The following TRPM4 variants were observed in gnomAD, a reference collection of about 807,000 sequenced individuals.
TRPM4 encodes the protein calcium-activated non-selective cation channel 1.
A neutral mutation model predicts 135.6 loss-of-function variants in TRPM4; 124 were observed. That is an observed-to-expected ratio of 0.91 (90% confidence interval 0.79 to 1.06). TRPM4 has a LOEUF of 1.06. TRPM4 is among the 50% of genes least tolerant of loss of function. The pLI, the probability that TRPM4 is intolerant of heterozygous loss-of-function variation, is 0.00. For missense variants in TRPM4, 1,658 were observed against 1,671.4 expected, an observed-to-expected ratio of 0.99 and a Z score of 0.14; for synonymous variants, 745 against 705.6, an observed-to-expected ratio of 1.06 and a Z score of -0.88.
rs755710649 is a variant in TRPM4 at position 49,211,550 on chromosome 19, G to A, written c.*52G>A. 5.6e-6 allele frequency: 9 copies of A among 1,613,006 alleles called. No homozygotes were observed. The African/African-American group carries it at 1.2e-4, about 22-fold the overall frequency. Reference sequence around the variant, plus strand: ...GCCCCCACAGGGGATTTTGCTCCTAGAGTAAGGCTCATCTGGGCCTCGGCC... The same window carrying A: ...GCCCCCACAGGGGATTTTGCTCCTAAAGTAAGGCTCATCTGGGCCTCGGCC... On this transcript the variant is annotated 3_prime_UTR_variant, in exon 25 of 25. Coordinates refer to ENST00000252826, the MANE Select transcript of TRPM4 (RefSeq NM_017636.4). The surrounding 1 kb of genome is among the most constrained non-coding windows in gnomAD (Gnocchi z 4.8).
Position 49,189,028 on chromosome 19 carries a change from C to T in TRPM4, c.1956C>T (p.Ala652=), listed in dbSNP as rs780348862. The change falls in exon 14 of 25, where the codon GCC becomes GCT. Residue 652 remains alanine (A), a synonymous_variant. Transcript: ENST00000252826. ...LLRRCPLWGD[A]TCLQLAMQAD... The stretch of plus-strand genomic sequence containing the variant: ...GTCGCTGCCCGCTCTGGGGGGATGC[C>T]ACTTGCCTCCAGCTGGCCATGCAAG... The T allele has an allele frequency of 6.2e-7, 1 of 1,614,204 alleles. No individual in the cohort carries two copies. The highest frequency in any genetic ancestry group is 8.5e-7 in the Non-Finnish European group (1 of 1,180,032).
intron 9 of TRPM4, among the ~76,000 whole-genome samples, chr19:49,173,591 G>A (rs1967556957): frequency 6.6e-6 from 1 of 152,184 alleles, no homozygotes; most frequent in Admixed American, 6.5e-5. Flanking sequence ...CAGCTTGGAG[G>A]ACGGAATGAT....
At chr19:49,204,982 G>GTTTTTTTTTT (rs756332219) in intron 20 of TRPM4, among the ~76,000 whole-genome samples, 33 of 60,748 alleles carry the variant, frequency 5.4e-4, no homozygotes, top group East Asian at 9.9e-4. Context: ...GGCTTTGGTT[G>GTTTTTTTTTT]TTTTTTTTTT....
At chr19:49,179,005 A>C (rs1318394277) in intron 9 of TRPM4, among the ~76,000 whole-genome samples, 1 of 151,574 alleles carries the variant, frequency 6.6e-6, no homozygotes, top group Non-Finnish European at 1.5e-5. Flanking sequence ...TGATCCACCC[A>C]TCTCGGCCTC....
chr19:49,208,032 C>A (rs1278881542), intron 20 of TRPM4, among the ~76,000 whole-genome samples: 3 of 152,162 alleles, frequency 2.0e-5, no homozygotes, highest in Non-Finnish European at 4.4e-5. Flanking sequence ...TGGACAGGGG[C>A]CCTTCCCTGT....
rs759414247 is a variant in TRPM4 at position 49,202,176 on chromosome 19, C to T, written c.3131+35C>T. 3.8e-5 allele frequency: 61 copies of T among 1,611,380 alleles called. 1 individual carries two copies. In the South Asian group the frequency reaches 6.4e-4, roughly 17 times the overall value. On this transcript the variant is annotated intron_variant, in intron 20 of 24. Transcript: ENST00000252826. Reference sequence around the variant, plus strand: ...GACTGCTCTCTGATCTGACCCCACCCAGCATGACCCGTGGCCCTCTCATGA... The same window carrying T: ...GACTGCTCTCTGATCTGACCCCACCTAGCATGACCCGTGGCCCTCTCATGA...
rs1373897831 is a variant in TRPM4, at chr19:49,171,647, T to A, written c.928T>A (p.Cys310Ser). ...GGCTGGCTCAGGGGGAGCTGCGGAC[T>A]GCCTGGCGGAGACCCTGGAAGACAC... is the stretch of plus-strand genomic sequence containing the variant. ...LVAGSGGAADCLAETLEDTLA... is the reference protein window; with the variant it reads ...LVAGSGGAADSLAETLEDTLA... The change falls in exon 8 of 25, where the codon TGC becomes AGC. Residue 310 changes from cysteine (C) to serine (S), a missense_variant. By Grantham distance (112) the Cys-to-Ser change is moderately radical. Around this residue, in one of 3 missense-constraint regions of TRPM4, gnomAD observed 1,412 missense variants for 1,408.7 expected, o/e 1.00. Transcript: ENST00000252826. This position sits in a 1 kb window ranked among gnomAD's most constrained non-coding sequence, Gnocchi z 4.7. 6.2e-7 allele frequency: 1 copy of A among 1,613,782 alleles called. No homozygotes were observed. The highest frequency in any genetic ancestry group is 8.5e-7 in the Non-Finnish European group (1 of 1,180,020).
chr19:49,178,245 C>A (rs897158938), intron 9 of TRPM4, among the ~76,000 whole-genome samples: 1 of 152,078 alleles, frequency 6.6e-6, no homozygotes, highest in Non-Finnish European at 1.5e-5. Context: ...ATCGCTTGAG[C>A]CTGGGAGGTC....
At chr19:49,183,041 AGGGGCT>A (rs748168736) in intron 11 of TRPM4, 31 bp from the exon 12 acceptor site, 4 of 1,607,174 alleles carry the variant, frequency 2.5e-6, no homozygotes, top group Admixed American at 3.3e-5. Flanking sequence ...AGTGTTGGGG[AGGGGCT>A]GGTCCTCACC....
At chr19:49,195,396 A>C (rs1439327625) in intron 16 of TRPM4, among the ~76,000 whole-genome samples, 1 of 151,130 alleles carries the variant, frequency 6.6e-6, no homozygotes, top group Non-Finnish European at 1.5e-5. Context: ...TTTGAGACGG[A>C]GTTTTGCTCT....
chr19:49,168,041 A>C lies in TRPM4; in HGVS notation c.392A>C (p.Gln131Pro), dbSNP rs774179613. The C allele has an allele frequency of 6.2e-7, 1 of 1,612,768 alleles. No homozygotes were observed. Among genetic ancestry groups the C allele is most frequent in the Non-Finnish European group, 8.5e-7 (1 of 1,179,926 alleles). The change falls in exon 4 of 25, where the codon CAG (glutamine) becomes CCG (proline). Residue 131 changes from glutamine (Q) to proline (P), a missense_variant. Transcript: ENST00000252826. ...GGGGGATCGGGGGGCCCCGTCCTCC[A>C]GACCTGGCTGCAGGACCTGCTGCGT... ...VLGGSGGPVL[Q>P]TWLQDLLRRG... is the part of the protein sequence containing the mutation.
In TRPM4 at chr19:49,183,231, C is replaced by T. The variant is rs771470369; in HGVS notation, c.1743+19C>T. On this transcript the variant is annotated intron_variant, in intron 12 of 24. Coordinates refer to ENST00000252826, the MANE Select transcript of TRPM4 (RefSeq NM_017636.4). ...GGAGATGGTGAGTGCTGACTTGGCG[C>T]TCCTGCATCCCTGTCCTTTAGGCCA... The T allele has an allele frequency of 3.7e-6, 6 of 1,613,840 alleles. No homozygotes were observed. In the African/African-American group the frequency reaches 5.3e-5, roughly 14 times the overall value.
intron 10 of TRPM4, 147 bp from the exon 11 acceptor site, chr19:49,182,431 T>C: frequency 2.8e-6 from 2 of 707,510 alleles, no homozygotes; most frequent in East Asian, 2.7e-5. Flanking sequence ...CATCTACCTA[T>C]CCATTCATCC....
chr19:49,186,923 T>C (rs934900156), intron 12 of TRPM4, among the ~76,000 whole-genome samples: 1 of 151,512 alleles, frequency 6.6e-6, no homozygotes, highest in African/African-American at 2.4e-5. Flanking sequence ...AGCCACTTTT[T>C]CTCTGGGGAA....
In TRPM4 at chr19:49,171,456, AGG is replaced by A; in HGVS notation, c.858+40_858+41del. The stretch of plus-strand genomic sequence containing the variant: ...GGATGCCCGGATCTAAGGGGGAAGG[AGG>A]GTTGGGGGCCAGGACTCCTGGGTCC... On this transcript the variant is annotated intron_variant, in intron 7 of 24. Transcript: ENST00000252826. This position sits in a 1 kb window ranked among gnomAD's most constrained non-coding sequence, Gnocchi z 4.7. The A allele has an allele frequency of 6.2e-7, 1 of 1,613,002 alleles. No homozygotes were observed.
chr19:49,177,786 T>G (rs1046152923), intron 9 of TRPM4, among the ~76,000 whole-genome samples: 25 of 152,292 alleles, frequency 1.6e-4, no homozygotes, highest in Non-Finnish European at 3.4e-4. Flanking sequence ...TTGCCCAGGG[T>G]CATCCAGCTA....
chr19:49,161,333 T>TC (rs1009379462), intron 2 of TRPM4, among the ~76,000 whole-genome samples: 1 of 147,002 alleles, frequency 6.8e-6, no homozygotes, highest in African/African-American at 2.5e-5. Context: ...CTTTTTTTTT[T>TC]TTTTTTTTTT....
At chr19:49,185,784 T>C (rs1313169890) in intron 12 of TRPM4, among the ~76,000 whole-genome samples, 3 of 151,978 alleles carry the variant, frequency 2.0e-5, no homozygotes, top group African/African-American at 7.3e-5. Flanking sequence ...GGAGTCTCAC[T>C]CTGTGGCCCA....
rs1332016813 is a variant in TRPM4, at chr19:49,190,746, G to A, written c.2183G>A (p.Ser728Asn). 1 of 1,614,064 alleles carries A rather than the reference G, an allele frequency of 6.2e-7. No individual in the cohort carries two copies. Among genetic ancestry groups the A allele is most frequent in the Non-Finnish European group, 8.5e-7 (1 of 1,180,044 alleles). Residue 728 changes from serine (S) to asparagine (N), a missense_variant, in exon 16 of 25, where the codon AGT becomes AAT. This residue lies in a region of TRPM4 where 1,412 missense variants were observed against 1,408.7 expected (regional missense o/e 1.00). Coordinates refer to ENST00000252826, the MANE Select transcript of TRPM4 (RefSeq NM_017636.4). ...GAGGAGCTAGAGTTTGACATGGATA[G>A]TGTCATTAATGGGGAAGGGCCTGTC... ...TREELEFDMDSVINGEGPVGT... is the reference protein window; with the variant it reads ...TREELEFDMDNVINGEGPVGT...
Sources: allele counts gnomAD v4.1 joint callset (sites outside exome capture counted in the v4.1 genomes callset), GRCh38; gene constraint gnomAD v4.1.1; regional missense constraint gnomAD v4.1.1; non-coding constraint Gnocchi (gnomAD v3.1); transcripts MANE v1.5; gene names NCBI Gene and HGNC (gene_info 2026-07-23, HGNC 2026-07-21).